Variants in RAET1E observed in about 807,000 individuals in gnomAD.
RAET1E encodes the protein NKG2D ligand 4.
A neutral mutation model predicts 21.1 loss-of-function variants in RAET1E; 27 were observed. The observed-to-expected ratio is 1.28, with a 90% CI of 0.94 to 1.76. The LOEUF is 1.76. RAET1E is among the 40% of genes most tolerant of loss of function. The pLI is 0.00. For synonymous variants in RAET1E, 113 were observed against 115.0 expected (o/e 0.98, Z 0.11); for missense variants, 310 against 311.3 (o/e 1.00, Z 0.03).
intron 4 of RAET1E, 54 bp downstream of exon 4, chr6:149,889,831 T>TACCTC: frequency 6.3e-7 from 1 of 1,585,940 alleles, no homozygotes; most frequent in South Asian, 1.1e-5. Flanking sequence ...TCTGTGTTCT[T>TACCTC]CCCTCCCCTC....
chr6:149,897,657 G>A (rs535268134), intron 1 of RAET1E, among the ~76,000 whole-genome samples: 56 of 152,292 alleles, frequency 3.7e-4, no homozygotes, highest in African/African-American at 1.3e-3. Flanking sequence ...TAAGCGGAAG[G>A]GAGGATCTGA....
At position 149,888,668 on chromosome 6, in the gene RAET1E, C is replaced by CAAAAA. The variant is rs1562463824; in HGVS notation, c.623-2_623-1insTTTTT. On this transcript the variant is annotated splice_acceptor_variant, in intron 5 of 5. Coordinates refer to ENST00000357183, the MANE Select transcript of RAET1E (RefSeq NM_001394057.1). LOFTEE classifies it high-confidence loss of function. ...ATATCTGAAGCATTTACTGGTGACA[C>CAAAAA]TAAAAAAAAAAAAAAAAAGAAAAAA... 3 of 1,213,242 alleles carry CAAAAA rather than the reference C, an allele frequency of 2.5e-6. No homozygotes were observed. Among genetic ancestry groups the CAAAAA allele is most frequent in the Admixed American group, 4.6e-5 (1 of 21,598 alleles). The allele number at this position is 1,213,242 out of a possible 1,614,324, so 75.2% of individuals were successfully genotyped here.
chr6:149,897,558 C>T (rs897069073), intron 1 of RAET1E, among the ~76,000 whole-genome samples: 1 of 152,114 alleles, frequency 6.6e-6, no homozygotes, highest in African/African-American at 2.4e-5. Flanking sequence ...TCTCCCTGCC[C>T]CAGCTGCCTT....
Position 149,885,522 on chromosome 6 carries a change from G to C in RAET1E, c.*2976C>G, listed in dbSNP as rs1217644109. On this transcript the variant is annotated 3_prime_UTR_variant, in exon 6 of 6. Coordinates refer to ENST00000357183, the MANE Select transcript of RAET1E (RefSeq NM_001394057.1). ...CTCATTTCTCCCTGTCCTCATACAG[G>C]ACAAGCCCTGCCCCTAATCCAGAGG... is the stretch of plus-strand genomic sequence containing the variant. 6.6e-6 allele frequency: 1 copy of C among 152,236 alleles called. No homozygotes were observed. The highest frequency in any genetic ancestry group is 1.5e-5 in the Non-Finnish European group (1 of 68,100). 9.4% of individuals were successfully genotyped at this position (152,236 alleles called of 1,614,324 possible). A position where few individuals can be genotyped will look rare whatever the true frequency, so the allele number is the denominator to read the frequency against.
chr6:149,886,943 G>A lies in RAET1E; in HGVS notation c.*1555C>T, dbSNP rs1313741878. Among the ~76,000 whole-genome samples, 1 of 152,224 alleles carries A rather than the reference G, an allele frequency of 6.6e-6. No homozygotes were observed. Among genetic ancestry groups the A allele is most frequent in the Non-Finnish European group, 1.5e-5 (1 of 68,036 alleles). On this transcript the variant is annotated 3_prime_UTR_variant, in exon 6 of 6. Transcript: ENST00000357183. ...GTGACAGAGAAATCCATGCGACACA[G>A]TGGGGAGGCCCTCCCCAAAGGGTGG...
intron 2 of RAET1E, among the ~76,000 whole-genome samples, chr6:149,892,859 A>T (rs1318441616): frequency 6.6e-6 from 1 of 152,124 alleles, no homozygotes; most frequent in Non-Finnish European, 1.5e-5. Context: ...TAAGTCTTTG[A>T]TCCATCTTGA....
chr6:149,885,002 T>C lies in RAET1E; in HGVS notation c.*3496A>G, dbSNP rs1189449712. 6.6e-6 allele frequency among the ~76,000 whole-genome samples: 1 copy of C among 152,172 alleles called. No individual in the cohort carries two copies. Among genetic ancestry groups the C allele is most frequent in the Non-Finnish European group, 1.5e-5 (1 of 68,000 alleles). ...TCACAATCCCCTCTCCCACGGTCTG[T>C]GTGGCCCTGCCTCCAGCCTGCTTTG... On this transcript the variant is annotated 3_prime_UTR_variant, in exon 6 of 6. Coordinates refer to ENST00000357183, the MANE Select transcript of RAET1E (RefSeq NM_001394057.1).
chr6:149,888,751 CT>C, intron 5 of RAET1E, 84 bp from the exon 6 acceptor site: 1 of 1,489,320 alleles, frequency 6.7e-7, no homozygotes, highest in Non-Finnish European at 8.9e-7. Context: ...TCCTTAGCCC[CT>C]GCTTTCCCCA....
rs115151311 is a variant in RAET1E, at chr6:149,884,379, T to C, written c.*4119A>G. 1.4e-3 allele frequency: 1,483 copies of C among 1,033,270 alleles called. 17 individuals carry two copies. In the African/African-American group the frequency reaches 0.021, roughly 14 times the overall value. The allele number at this position is 1,033,270 out of a possible 1,614,324, so 64.0% of individuals were successfully genotyped here. Reference sequence around the variant, plus strand: ...AATGCAGAGGCGCGATCTCCGCTCATTGCAGGCTCCGCCTCCACTTGACTC... The same window carrying C: ...AATGCAGAGGCGCGATCTCCGCTCACTGCAGGCTCCGCCTCCACTTGACTC... On this transcript the variant is annotated 3_prime_UTR_variant, in exon 6 of 6. Coordinates refer to ENST00000357183, the MANE Select transcript of RAET1E (RefSeq NM_001394057.1).
rs1301868188 is a variant in RAET1E at position 149,886,712 on chromosome 6, C to A, written c.*1786G>T. Reference sequence around the variant, plus strand: ...GCCCAGATGAGATTTATTTTATGATCCAAAAATGGCCCTTCTTGGTGAATG... The same window carrying A: ...GCCCAGATGAGATTTATTTTATGATACAAAAATGGCCCTTCTTGGTGAATG... On this transcript the variant is annotated 3_prime_UTR_variant, in exon 6 of 6. Transcript: ENST00000357183. Among the ~76,000 whole-genome samples, 1 of 152,166 alleles carries A rather than the reference C, an allele frequency of 6.6e-6. No individual in the cohort carries two copies. Among genetic ancestry groups the A allele is most frequent in the Non-Finnish European group, 1.5e-5 (1 of 68,032 alleles).
chr6:149,890,799 T>A lies in RAET1E; in HGVS notation c.85+18A>T. 6.3e-7 allele frequency: 1 copy of A among 1,581,268 alleles called. No individual in the cohort carries two copies. The highest frequency in any genetic ancestry group is 1.3e-5 in the African/African-American group (1 of 74,202). On this transcript the variant is annotated intron_variant, in intron 3 of 5. Transcript: ENST00000357183. Reference sequence around the variant, plus strand: ...CTCCTCCTTGTCCTCAGCCAGTTCTTGTGCTCAGGACACTCACCAACCATG... The same window carrying A: ...CTCCTCCTTGTCCTCAGCCAGTTCTAGTGCTCAGGACACTCACCAACCATG...
At chr6:149,891,951 T>A (rs1777920796) in intron 2 of RAET1E, among the ~76,000 whole-genome samples, 1 of 152,172 alleles carries the variant, frequency 6.6e-6, no homozygotes, top group Admixed American at 6.5e-5. Context: ...ATTGGTCAAC[T>A]CTCACCTATG....
Position 149,888,368 on chromosome 6 carries a change from G to T in RAET1E, c.*130C>A. The T allele has an allele frequency of 8.9e-7, 1 of 1,122,148 alleles. No individual in the cohort carries two copies. Among genetic ancestry groups the T allele is most frequent in the Non-Finnish European group, 1.3e-6 (1 of 770,900 alleles). 69.5% of individuals were successfully genotyped at this position (1,122,148 alleles called of 1,614,324 possible). ...CATCCCTCCTCTCACTGCACATTGT[G>T]CTGCCAGCCCTGCTGTGTAGTGTGG... On this transcript the variant is annotated 3_prime_UTR_variant, in exon 6 of 6. Transcript: ENST00000357183.
At position 149,883,274 on chromosome 6, in the gene RAET1E, AAAAG is replaced by A. The variant is rs1777475086; in HGVS notation, c.*5220_*5223del. 2 of 152,214 alleles carry A rather than the reference AAAAG, an allele frequency of 1.3e-5. No homozygotes were observed. Among genetic ancestry groups the A allele is most frequent in the African/African-American group, 2.4e-5 (1 of 41,448 alleles). 9.4% of individuals were successfully genotyped at this position (152,214 alleles called of 1,614,324 possible). A position where few individuals can be genotyped will look rare whatever the true frequency, so the allele number is the denominator to read the frequency against. On this transcript the variant is annotated 3_prime_UTR_variant, in exon 6 of 6. Coordinates refer to ENST00000357183, the MANE Select transcript of RAET1E (RefSeq NM_001394057.1). ...ATATCATCACTGAGAATGGAGGAGA[AAAAG>A]AAAGATTTCCATATTACATTTATTT... is the stretch of plus-strand genomic sequence containing the variant.
chr6:149,884,234 T>C lies in RAET1E; in HGVS notation c.*4264A>G, dbSNP rs1777511615. The C allele has an allele frequency of 2.2e-6, 1 of 459,334 alleles. No homozygotes were observed. Among genetic ancestry groups the C allele is most frequent in the African/African-American group, 1.9e-5 (1 of 51,714 alleles). The allele number at this position is 459,334 out of a possible 1,614,324, so 28.5% of individuals were successfully genotyped here. On this transcript the variant is annotated 3_prime_UTR_variant, in exon 6 of 6. Coordinates refer to ENST00000357183, the MANE Select transcript of RAET1E (RefSeq NM_001394057.1). Reference sequence around the variant, plus strand: ...CTCAAGTGATCCTCCTGCCTAGGCCTCCCAAAGTGTTGGGATTATAGATGT... The same window carrying C: ...CTCAAGTGATCCTCCTGCCTAGGCCCCCCAAAGTGTTGGGATTATAGATGT...
chr6:149,888,448 C>A lies in RAET1E; in HGVS notation c.*50G>T. ...CTGTGGAGAGAGATGGATCAGGGAG[C>A]GGGGGCTTGGATGAGACCCATGATT... On this transcript the variant is annotated 3_prime_UTR_variant, in exon 6 of 6. Transcript: ENST00000357183. 1 of 1,592,328 alleles carries A rather than the reference C, an allele frequency of 6.3e-7. No individual in the cohort carries two copies. Among genetic ancestry groups the A allele is most frequent in the South Asian group, 1.1e-5 (1 of 88,852 alleles).
chr6:149,897,880 C>T (rs1778179143), intron 1 of RAET1E, 141 bp downstream of exon 1: 1 of 151,090 alleles, frequency 6.6e-6, no homozygotes, highest in African/African-American at 2.4e-5. Flanking sequence ...CCCCCAGCAT[C>T]TCCCCCAACC....
Position 149,883,654 on chromosome 6 carries a change from A to C in RAET1E, c.*4844T>G, listed in dbSNP as rs1404406160. ...CGAGGTTGCAGTGAGCCGGGATCGCACCACTACACTCCAGCCTGGGAGATA... is the reference window on the plus strand; with the variant it reads ...CGAGGTTGCAGTGAGCCGGGATCGCCCCACTACACTCCAGCCTGGGAGATA... On this transcript the variant is annotated 3_prime_UTR_variant, in exon 6 of 6. Coordinates refer to ENST00000357183, the MANE Select transcript of RAET1E (RefSeq NM_001394057.1). 1.3e-5 allele frequency: 2 copies of C among 153,508 alleles called. No homozygotes were observed. Among genetic ancestry groups the C allele is most frequent in the Non-Finnish European group, 2.9e-5 (2 of 69,162 alleles). 9.5% of individuals were successfully genotyped at this position (153,508 alleles called of 1,614,324 possible). A position where few individuals can be genotyped will look rare whatever the true frequency, so the allele number is the denominator to read the frequency against.
chr6:149,896,499 T>C (rs530156239), intron 1 of RAET1E, among the ~76,000 whole-genome samples: 114 of 152,306 alleles, frequency 7.5e-4, no homozygotes, highest in Non-Finnish European at 1.4e-3. Context: ...AGAAGGGGTC[T>C]CAAATCTGTC....
Sources: allele counts gnomAD v4.1 joint callset (sites outside exome capture counted in the v4.1 genomes callset), GRCh38; gene constraint gnomAD v4.1.1; transcripts MANE v1.5; gene names NCBI Gene and HGNC (gene_info 2026-07-23, HGNC 2026-07-21).